LZTFL1: variants seen among roughly 807,000 people sequenced by gnomAD.
LZTFL1 encodes leucine zipper transcription factor like 1, also known as leucine zipper transcription factor-like protein 1.
Under a neutral mutation model 45.9 loss-of-function variants are expected in LZTFL1, and 25 were observed. The ratio of observed to expected loss-of-function variants is 0.54; its 90% CI spans 0.40 to 0.76. The LOEUF is 0.76. Ranked by LOEUF, LZTFL1 falls within the 30% of genes least tolerant of loss-of-function variation. The pLI is 0.00. For missense variants in LZTFL1, 277 were observed against 331.1 expected (o/e 0.84, Z 1.27); for synonymous variants, 93 against 117.4 (o/e 0.79, Z 1.35).
At chr3:45,888,748 T>G (rs1702058306) in intron 2 of LZTFL1, among the ~76,000 whole-genome samples, 1 of 152,194 alleles carries the variant, frequency 6.6e-6, no homozygotes, top group African/African-American at 2.4e-5. Flanking sequence ...AAGCAAGCAC[T>G]GAGACTTAGT....
intron 3 of LZTFL1, among the ~76,000 whole-genome samples, chr3:45,855,781 G>T (rs749063173): frequency 3.3e-5 from 5 of 152,136 alleles, no homozygotes; most frequent in African/African-American, 4.8e-5. Context: ...GCCAAATCAT[G>T]AATGAATTCC....
rs144818157 is a variant in LZTFL1 at position 45,908,273 on chromosome 3, C to T, written c.-215+4847G>A. Among the ~76,000 whole-genome samples the T allele has an allele frequency of 3.0e-3, 451 of 152,268 alleles. 1 individual carries two copies. Among genetic ancestry groups the T allele is most frequent in the African/African-American group, 0.01 (428 of 41,532 alleles). Reference sequence around the variant, plus strand: ...GCTTGCTCTGGAAACCCTAAGCTGCCGTGTCAGAAGGCTGCCCACCCTGAG... The same window carrying T: ...GCTTGCTCTGGAAACCCTAAGCTGCTGTGTCAGAAGGCTGCCCACCCTGAG... On this transcript the variant is annotated intron_variant, in intron 2 of 4. Coordinates refer to the LZTFL1 transcript ENST00000472635.
intron 2 of LZTFL1, among the ~76,000 whole-genome samples, chr3:45,861,780 G>A (rs546084485): frequency 6.6e-5 from 10 of 152,224 alleles, no homozygotes; most frequent in Admixed American, 1.3e-4. Context: ...CATAACTTAC[G>A]TCTCTTAGTG....
At chr3:45,884,362 CG>C (rs1559418828) in intron 2 of LZTFL1, among the ~76,000 whole-genome samples, 1 of 152,134 alleles carries the variant, frequency 6.6e-6, no homozygotes, top group Non-Finnish European at 1.5e-5. Flanking sequence ...TTTGAGAAAG[CG>C]GAAGTTCTCT....
At chr3:45,853,996 G>A (rs1165480948) in intron 4 of LZTFL1, among the ~76,000 whole-genome samples, 2 of 152,144 alleles carry the variant, frequency 1.3e-5, no homozygotes, top group Admixed American at 6.5e-5. Context: ...CATCAAATGA[G>A]CTGATGGCTG....
chr3:45,838,166 A>C, intron 1 of LZTFL1, 115 bp from the exon 2 acceptor site: 1 of 1,174,894 alleles, frequency 8.5e-7, no homozygotes, highest in Non-Finnish European at 1.2e-6. Context: ...ATCAAATTCT[A>C]TTCTTCCCTT....
chr3:45,833,752 G>A (rs1331482357), intron 4 of LZTFL1, among the ~76,000 whole-genome samples: 1 of 152,182 alleles, frequency 6.6e-6, no homozygotes, highest in African/African-American at 2.4e-5. Flanking sequence ...AGTATTTACG[G>A]TGTGCCCGTG....
rs558478460 is a variant in LZTFL1 at position 45,896,113 on chromosome 3, T to C, written c.-215+17007A>G. Among the ~76,000 whole-genome samples, 19 of 152,388 alleles carry C rather than the reference T, an allele frequency of 1.2e-4. No homozygotes were observed. The South Asian group carries it at 1.7e-3, about 13-fold the overall frequency. On this transcript the variant is annotated intron_variant, in intron 2 of 4. Transcript: ENST00000472635. ...AACAAAAAAGTAATTAATTTGGTCC[T>C]GGTGAAGTAACTATTATTCTGACAA...
chr3:45,863,012 TG>T (rs201882075), intron 2 of LZTFL1, among the ~76,000 whole-genome samples: 1,526 of 152,376 alleles, frequency 0.01, 63 homozygotes, highest in Admixed American at 0.087. Context: ...CTTCGGCTTC[TG>T]GTGAGAATAG....
In LZTFL1 at chr3:45,908,334, A is replaced by C. The variant is rs976253285; in HGVS notation, c.-215+4786T>G. ...TGGAGAGGCCACAAGTAGGCCCAGC[A>C]TTTCAACTGTTGCTGTAATTAGCCT... On this transcript the variant is annotated intron_variant, in intron 2 of 4. Coordinates refer to the LZTFL1 transcript ENST00000472635. Among the ~76,000 whole-genome samples, 3 of 152,336 alleles carry C rather than the reference A, an allele frequency of 2.0e-5. No homozygotes were observed. The East Asian group carries it at 5.8e-4, about 29-fold the overall frequency.
At chr3:45,865,269 T>C (rs1000501224) in intron 2 of LZTFL1, among the ~76,000 whole-genome samples, 29 of 152,364 alleles carry the variant, frequency 1.9e-4, no homozygotes, top group African/African-American at 6.0e-4. Flanking sequence ...AACAGAATTC[T>C]AACCACATTT....
At chr3:45,895,215 C>T in intron 2 of LZTFL1, 1 of 530,936 alleles carries the variant, frequency 1.9e-6, no homozygotes, top group South Asian at 2.7e-5. Context: ...GGATTTTTAA[C>T]CATCTTTAAC....
At position 45,882,943 on chromosome 3, in the gene LZTFL1, G is replaced by A. The variant is rs368882773; in HGVS notation, c.-214-23927C>T. 6.6e-4 allele frequency among the ~76,000 whole-genome samples: 101 copies of A among 152,018 alleles called. 1 individual carries two copies. Among genetic ancestry groups the A allele is most frequent in the African/African-American group, 2.0e-3 (83 of 41,466 alleles). On this transcript the variant is annotated intron_variant, in intron 2 of 4. Coordinates refer to the LZTFL1 transcript ENST00000472635. ...ATAGTTCTATATTTGTGGACAGATC[G>A]TTTTAGAACAAGTAAAACACATTTG...
chr3:45,893,174 A>ATTT (rs1702245066), intron 2 of LZTFL1, among the ~76,000 whole-genome samples: 1 of 143,546 alleles, frequency 7.0e-6, no homozygotes. Context: ...TTTTTGTTTG[A>ATTT]GATGGAGTCT....
At chr3:45,889,215 C>T (rs1340170860) in intron 2 of LZTFL1, among the ~76,000 whole-genome samples, 2 of 152,030 alleles carry the variant, frequency 1.3e-5, no homozygotes, top group Admixed American at 1.3e-4. Flanking sequence ...AAATTCCTGG[C>T]CTCAAGTGAT....
intron 5 of LZTFL1, chr3:45,832,758 C>T (rs1191881799): frequency 9.0e-6 from 2 of 221,854 alleles, no homozygotes; most frequent in Non-Finnish European, 1.8e-5. Flanking sequence ...AACTTAAAAA[C>T]CCTTCTCCTT....
intron 2 of LZTFL1, among the ~76,000 whole-genome samples, chr3:45,907,174 C>T (rs1702699965): frequency 6.6e-6 from 1 of 152,208 alleles, no homozygotes; most frequent in Non-Finnish European, 1.5e-5. Context: ...GCCCCAGTCC[C>T]TGGTCTCCCT....
rs1702497582 is a variant in LZTFL1 at position 45,900,037 on chromosome 3, A to G, written c.-215+13083T>C. On this transcript the variant is annotated intron_variant, in intron 2 of 4. Coordinates refer to the LZTFL1 transcript ENST00000472635. The surrounding 1 kb of genome is among the most constrained non-coding windows in gnomAD (Gnocchi z 4.7). Reference sequence around the variant, plus strand: ...TACGAGAGCATGTGCAAGTGCATGTATTATGTGTATGCATGTACATATGAG... The same window carrying G: ...TACGAGAGCATGTGCAAGTGCATGTGTTATGTGTATGCATGTACATATGAG... Among the ~76,000 whole-genome samples, 1 of 152,166 alleles carries G rather than the reference A, an allele frequency of 6.6e-6. No individual in the cohort carries two copies. Among genetic ancestry groups the G allele is most frequent in the South Asian group, 2.1e-4 (1 of 4,828 alleles).
chr3:45,875,637 C>G (rs563342611), intron 2 of LZTFL1, among the ~76,000 whole-genome samples: 35 of 152,214 alleles, frequency 2.3e-4, no homozygotes, highest in African/African-American at 7.9e-4. Context: ...TCCTAGGCAA[C>G]ATAGTGAGAC....
Sources: allele counts gnomAD v4.1 joint callset (sites outside exome capture counted in the v4.1 genomes callset), GRCh38; gene constraint gnomAD v4.1.1; non-coding constraint Gnocchi (gnomAD v3.1); transcripts MANE v1.5; gene names NCBI Gene and HGNC (gene_info 2026-07-23, HGNC 2026-07-21).